ADAT1: variants seen among roughly 807,000 people sequenced by gnomAD.
The protein encoded by ADAT1 is adenosine deaminase tRNA specific 1.
A neutral mutation model predicts 58.6 loss-of-function variants in ADAT1; 58 were observed. That is an observed-to-expected ratio of 0.99 (90% CI 0.80 to 1.23). The LOEUF is 1.23. ADAT1 is among the 50% of genes most tolerant of loss of function. The probability of loss-of-function intolerance (pLI) is 0.00; values close to 1 mark genes in which losing one functional copy is unlikely to be tolerated. For missense variants in ADAT1, 741 were observed against 608.6 expected (o/e 1.22, Z -2.29); for synonymous variants, 254 against 220.8 (o/e 1.15, Z -1.33).
In ADAT1 at chr16:75,620,774, T is replaced by C. The variant is rs1323063612; in HGVS notation, c.26A>G (p.Gln9Arg). 6.2e-7 allele frequency: 1 copy of C among 1,613,400 alleles called. No individual in the cohort carries two copies. Among genetic ancestry groups the C allele is most frequent in the Non-Finnish European group, 8.5e-7 (1 of 1,179,520 alleles). The change falls in exon 2 of 10, where the codon CAG becomes CGG. Residue 9 changes from glutamine to arginine, a missense_variant. Coordinates refer to ENST00000564657, the MANE Select transcript of ADAT1 (RefSeq NM_001324445.2). ...GATCCCATAGTGTTCATAGCATAGC[T>C]GAGCAATCTCATCCGCGGTCCACAT... MWTADEIAQLCYEHYGIRL... is the reference protein window; with the variant it reads MWTADEIARLCYEHYGIRL...
Position 75,620,326 on chromosome 16 carries a change from CCTTT to C in ADAT1, c.174_177del (p.Glu60LeufsTer11). The C allele has an allele frequency of 3.7e-6, 6 of 1,614,128 alleles. No individual in the cohort carries two copies. The highest frequency in any genetic ancestry group is 5.1e-6 in the Non-Finnish European group (6 of 1,179,978). On this transcript the variant is annotated frameshift_variant, in exon 3 of 10. Coordinates refer to ENST00000564657, the MANE Select transcript of ADAT1 (RefSeq NM_001324445.2). LOFTEE classifies it high-confidence loss of function. ...GTTCCTGTTCCCATTGACACAACTTCCTTTGTCACTGTGGGAAAAAAACAAATCG... is the reference window on the plus strand; with the variant it reads ...GTTCCTGTTCCCATTGACACAACTTCGTCACTGTGGGAAAAAAACAAATCG...
intron 9 of ADAT1, among the ~76,000 whole-genome samples, chr16:75,602,535 G>C (rs894370769): frequency 1.3e-5 from 2 of 152,154 alleles, no homozygotes; most frequent in Admixed American, 1.3e-4. Flanking sequence ...GGGTGGTTTG[G>C]GGCTTTCCTT....
chr16:75,604,889 C>T (rs541698642), intron 8 of ADAT1, among the ~76,000 whole-genome samples: 1 of 152,252 alleles, frequency 6.6e-6, no homozygotes, highest in South Asian at 2.1e-4. Context: ...CTACAGTTAA[C>T]CCTTGGACAA....
In ADAT1 at chr16:75,608,225, T is replaced by C; in HGVS notation, c.1288A>G (p.Arg430Gly). Residue 430 changes from arginine (R) to glycine (G), a missense_variant and splice_region_variant, in exon 8 of 10, where the codon AGA (arginine) becomes GGA (glycine). By Grantham distance (125) the Arg-to-Gly change is moderately radical (BLOSUM62 -2). Coordinates refer to ENST00000564657, the MANE Select transcript of ADAT1 (RefSeq NM_001324445.2). ...TCCTCCTGCCCCAATATGCTGTACC[T>C]TGCCTGAAGGCTTCCAATTGTTTTC... ...TKKTIGSLQA[R>G]SQISKVELFR... is the part of the protein sequence containing the mutation. 1.2e-6 allele frequency: 2 copies of C among 1,613,744 alleles called. No individual in the cohort carries two copies. Among genetic ancestry groups the C allele is most frequent in the Non-Finnish European group, 1.7e-6 (2 of 1,179,718 alleles).
At chr16:75,605,764 C>G (rs1028768197) in intron 8 of ADAT1, among the ~76,000 whole-genome samples, 2 of 151,428 alleles carry the variant, frequency 1.3e-5, no homozygotes, top group South Asian at 4.2e-4. Flanking sequence ...GGCAAAATCC[C>G]GTCTCTACTA....
intron 8 of ADAT1, among the ~76,000 whole-genome samples, chr16:75,606,440 A>G (rs1489452285): frequency 1.3e-5 from 2 of 152,310 alleles, no homozygotes; most frequent in Admixed American, 1.3e-4. Flanking sequence ...AGGTCATAAA[A>G]GACACTGTGG....
chr16:75,621,625 T>C (rs1258207506), intron 1 of ADAT1, among the ~76,000 whole-genome samples: 1 of 152,180 alleles, frequency 6.6e-6, no homozygotes, highest in South Asian at 2.1e-4. Context: ...CAACTGTGAT[T>C]ACTATTACAA....
At chr16:75,620,142 A>G (rs1203576192) in intron 3 of ADAT1, 124 bp downstream of exon 3, 2 of 913,456 alleles carry the variant, frequency 2.2e-6, no homozygotes, top group East Asian at 2.5e-5. Flanking sequence ...AACTGGACTG[A>G]TAGTCAGTAG....
chr16:75,603,937 C>T (rs2081292989), intron 8 of ADAT1, among the ~76,000 whole-genome samples: 1 of 146,612 alleles, frequency 6.8e-6, no homozygotes, highest in African/African-American at 2.4e-5. Flanking sequence ...TGGAGTCTGT[C>T]CAAAATCTCC....
At chr16:75,602,981 G>A (rs1055728926) in intron 9 of ADAT1, 104 bp downstream of exon 9, 35 of 977,380 alleles carry the variant, frequency 3.6e-5, no homozygotes, top group Middle Eastern at 2.1e-4. Context: ...AAGTGCCACT[G>A]GCTTGCTGAA....
chr16:75,617,120 C>A (rs2081755782), intron 5 of ADAT1, 22 bp downstream of exon 5: 3 of 1,589,200 alleles, frequency 1.9e-6, no homozygotes, highest in East Asian at 2.3e-5. Context: ...TAACATTAAT[C>A]CAAAGGCTTG....
In ADAT1 at chr16:75,600,157, T is replaced by C; in HGVS notation, c.*59A>G. The C allele has an allele frequency of 3.7e-6, 6 of 1,602,922 alleles. No homozygotes were observed. The highest frequency in any genetic ancestry group is 1.1e-5 in the South Asian group (1 of 90,224). On this transcript the variant is annotated 3_prime_UTR_variant, in exon 10 of 10. Coordinates refer to ENST00000564657, the MANE Select transcript of ADAT1 (RefSeq NM_001324445.2). Reference sequence around the variant, plus strand: ...CTACCAAAAAAGCTAAGACTTGTCCTGCGTGGAGGAAGGCAGTTCAGGATG... The same window carrying C: ...CTACCAAAAAAGCTAAGACTTGTCCCGCGTGGAGGAAGGCAGTTCAGGATG...
chr16:75,620,233 T>C (rs763883759), intron 3 of ADAT1, 33 bp downstream of exon 3: 4 of 1,609,268 alleles, frequency 2.5e-6, no homozygotes, highest in Admixed American at 1.7e-5. Context: ...GGTTTCAAGC[T>C]AAATCTTTGT....
intron 9 of ADAT1, 151 bp downstream of exon 9, chr16:75,602,934 T>C (rs1246490753): frequency 8.7e-6 from 6 of 689,448 alleles, no homozygotes; most frequent in South Asian, 1.7e-5. Context: ...TATCTGCAAA[T>C]AGGGCTATGG....
intron 4 of ADAT1, among the ~76,000 whole-genome samples, chr16:75,617,921 TA>T (rs112837622): frequency 0.3 from 40,235 of 136,014 alleles, 8,019 homozygotes; most frequent in African/African-American, 0.59. Flanking sequence ...ACCCTGTCTT[TA>T]AAAAAAAAAA....
chr16:75,620,550 C>A, intron 2 of ADAT1, 81 bp downstream of exon 2: 1 of 1,525,544 alleles, frequency 6.6e-7, no homozygotes, highest in East Asian at 2.3e-5. Flanking sequence ...ACCCTACCCA[C>A]GACTGTACCC....
chr16:75,609,077 C>T lies in ADAT1; in HGVS notation c.1044-89G>A, dbSNP rs950231298. 4 of 1,466,576 alleles carry T rather than the reference C, an allele frequency of 2.7e-6. No homozygotes were observed. The African/African-American group carries it at 5.7e-5, about 21-fold the overall frequency. The allele number at this position is 1,466,576 out of a possible 1,614,324, so 90.8% of individuals were successfully genotyped here. On this transcript the variant is annotated intron_variant, in intron 6 of 9. Transcript: ENST00000564657. The stretch of plus-strand genomic sequence containing the variant: ...GTGGCTCACATCATCACCCCTGAGC[C>T]TTAGCAGGTGTGGGGATTTGTTTAT...
rs776944661 is a variant in ADAT1 at position 75,608,312 on chromosome 16, T to G, written c.1201A>C (p.Ser401Arg). The change falls in exon 8 of 10, where the codon AGT becomes CGT. Residue 401 changes from serine to arginine, a missense_variant. Physicochemically the swap from Ser to Arg is moderately radical, Grantham distance 110. Transcript: ENST00000564657. Reference protein sequence around the residue: ...LVPCGAAISWSAVPEQPLDVT... With the variant: ...LVPCGAAISWRAVPEQPLDVT... The stretch of plus-strand genomic sequence containing the variant: ...TCCAAAGGCTGCTCAGGAACTGCAC[T>G]CCAGCTGATGGCTATGAAAAGATAA... 52 of 1,613,600 alleles carry G rather than the reference T, an allele frequency of 3.2e-5. No individual in the cohort carries two copies. In the Middle Eastern group the frequency reaches 6.6e-4, roughly 20 times the overall value.
At chr16:75,608,410 T>C (rs2081426969) in intron 7 of ADAT1, 87 bp from the exon 8 acceptor site, 1 of 1,167,210 alleles carries the variant, frequency 8.6e-7, no homozygotes, top group Non-Finnish European at 1.3e-6. Flanking sequence ...TCTCTGACTC[T>C]ACAGACCCAT....
Sources: allele counts gnomAD v4.1 joint callset (sites outside exome capture counted in the v4.1 genomes callset), GRCh38; gene constraint gnomAD v4.1.1; transcripts MANE v1.5; gene names NCBI Gene and HGNC (gene_info 2026-07-23, HGNC 2026-07-21).